Variants in DCC observed in about 807,000 individuals in gnomAD.
DCC encodes DCC netrin 1 receptor, also known as netrin receptor DCC.
Under a neutral mutation model 172.5 loss-of-function variants are expected in DCC, and 58 were observed. The observed-to-expected ratio is 0.34, with a 90% CI of 0.27 to 0.42. DCC has a LOEUF of 0.42. Ranked by LOEUF, DCC falls within the 10% of genes least tolerant of loss-of-function variation. The probability of loss-of-function intolerance (pLI) is 1.00; values close to 1 mark genes in which losing one functional copy is unlikely to be tolerated. For missense variants in DCC, 1,740 were observed against 1,791.0 expected, an observed-to-expected ratio of 0.97 and a Z score of 0.51; for synonymous variants, 709 against 644.5, an observed-to-expected ratio of 1.10 and a Z score of -1.52.
chr18:53,402,052 T>A (rs1053796204), intron 18 of DCC, among the ~76,000 whole-genome samples: 2 of 152,174 alleles, frequency 1.3e-5, no homozygotes, highest in African/African-American at 2.4e-5. Context: ...GCCTAATATG[T>A]CACCTAGCTA....
chr18:52,803,910 C>T (rs974958943), intron 2 of DCC, among the ~76,000 whole-genome samples: 34 of 152,198 alleles, frequency 2.2e-4, no homozygotes, highest in African/African-American at 7.5e-4. Context: ...TTTTAATCCT[C>T]ATTTTTACAT....
At chr18:53,082,520 C>A (rs2042821325) in intron 7 of DCC, among the ~76,000 whole-genome samples, 1 of 151,902 alleles carries the variant, frequency 6.6e-6, no homozygotes, top group South Asian at 2.1e-4. Flanking sequence ...AAAAATTGGA[C>A]CAGATTAATT....
At chr18:53,011,171 T>C (rs148125897) in intron 5 of DCC, among the ~76,000 whole-genome samples, 249 of 151,714 alleles carry the variant, frequency 1.6e-3, no homozygotes, top group African/African-American at 5.6e-3. Context: ...CGTGATAATG[T>C]TGGTTGTAAG....
chr18:53,004,424 A>G (rs1032824216), intron 5 of DCC, among the ~76,000 whole-genome samples: 2 of 152,194 alleles, frequency 1.3e-5, no homozygotes, highest in African/African-American at 4.8e-5. Context: ...CTGAATTGGT[A>G]AGGAATTATT....
At chr18:53,238,935 A>G (rs2056244764) in intron 12 of DCC, among the ~76,000 whole-genome samples, 1 of 151,672 alleles carries the variant, frequency 6.6e-6, no homozygotes. Flanking sequence ...CCAGCAAACT[A>G]TCGCAAGGAC....
chr18:53,468,598 G>C (rs1041331129), intron 25 of DCC, among the ~76,000 whole-genome samples: 1 of 151,902 alleles, frequency 6.6e-6, no homozygotes, highest in Non-Finnish European at 1.5e-5. Flanking sequence ...GGCCAGGCTG[G>C]TCTCTAGCTC....
In DCC at chr18:53,376,502, C is replaced by A. The variant is rs1216453903; in HGVS notation, c.2360-9541C>A. ...ATCATATAAATTTGGTAGTACTCAC[C>A]AACGTAGAGCCAACAATTCTAAGCA... is the stretch of plus-strand genomic sequence containing the variant. On this transcript the variant is annotated intron_variant, in intron 15 of 28. Transcript: ENST00000442544. Among the ~76,000 whole-genome samples, 7 of 152,110 alleles carry A rather than the reference C, an allele frequency of 4.6e-5. No homozygotes were observed. In the East Asian group the frequency reaches 1.3e-3, roughly 29 times the overall value.
chr18:52,890,713 A>G (rs1259505954), intron 2 of DCC, among the ~76,000 whole-genome samples: 1 of 152,128 alleles, frequency 6.6e-6, no homozygotes, highest in Non-Finnish European at 1.5e-5. Flanking sequence ...CTACAATTAC[A>G]ATAAAATATC....
intron 12 of DCC, among the ~76,000 whole-genome samples, chr18:53,267,857 T>C (rs1364234062): frequency 6.6e-6 from 1 of 152,216 alleles, no homozygotes; most frequent in East Asian, 1.9e-4. Flanking sequence ...GGTTTGTGAA[T>C]AGCAGGTTTC....
chr18:53,459,769 A>G (rs1599174000), intron 24 of DCC, among the ~76,000 whole-genome samples: 1 of 152,132 alleles, frequency 6.6e-6, no homozygotes, highest in Non-Finnish European at 1.5e-5. Flanking sequence ...CTTTTTGTTA[A>G]TTGTTAAACA....
chr18:52,852,326 C>G (rs1287203681), intron 2 of DCC, among the ~76,000 whole-genome samples: 1 of 151,894 alleles, frequency 6.6e-6, no homozygotes, highest in Non-Finnish European at 1.5e-5. Context: ...ACGAGATTCC[C>G]AAATTATAGA....
intron 27 of DCC, among the ~76,000 whole-genome samples, chr18:53,521,914 AGGAAT>A (rs2144596688): frequency 6.6e-6 from 1 of 152,264 alleles, no homozygotes; most frequent in South Asian, 2.1e-4. Context: ...TGTTAAACAT[AGGAAT>A]GGATAAGAGC....
intron 1 of DCC, among the ~76,000 whole-genome samples, chr18:52,671,795 C>G (rs2035558721): frequency 6.6e-6 from 1 of 152,026 alleles, no homozygotes; most frequent in Non-Finnish European, 1.5e-5. Flanking sequence ...CTCAGTCACC[C>G]AAATTTCCAG....
chr18:52,482,256 A>G (rs148249954), intron 1 of DCC, among the ~76,000 whole-genome samples: 21 of 152,242 alleles, frequency 1.4e-4, no homozygotes, highest in East Asian at 3.9e-4. Context: ...ACTCTTCACT[A>G]ATCTTTATTT....
rs192204016 is a variant in DCC, at chr18:53,448,263, T to C, written c.3230-2237T>C. Among the ~76,000 whole-genome samples the C allele has an allele frequency of 2.0e-5, 3 of 152,292 alleles. No homozygotes were observed. In the East Asian group the frequency reaches 5.8e-4, roughly 29 times the overall value. ...TAATTTATAAAGGAAAGAGGTTTAA[T>C]TGACTCACAGTTCAGCGTGGCTTGG... On this transcript the variant is annotated intron_variant, in intron 22 of 28. Transcript: ENST00000442544.
intron 1 of DCC, among the ~76,000 whole-genome samples, chr18:52,617,123 G>T (rs2034397326): frequency 1.3e-5 from 2 of 152,128 alleles, no homozygotes; most frequent in South Asian, 2.1e-4. Flanking sequence ...ATGTGGTAAG[G>T]CTTGGTGAAA....
At chr18:52,515,652 AC>A (rs2031613734) in intron 1 of DCC, among the ~76,000 whole-genome samples, 2 of 139,490 alleles carry the variant, frequency 1.4e-5, no homozygotes, top group Admixed American at 1.4e-4. Flanking sequence ...GTAAAAGAAT[AC>A]AAAAAAAAAT....
At chr18:52,905,217 G>T (rs1443998010) in intron 2 of DCC, among the ~76,000 whole-genome samples, 3 of 150,938 alleles carry the variant, frequency 2.0e-5, no homozygotes, top group Non-Finnish European at 3.0e-5. Context: ...TGTATGTAAT[G>T]GCCAGTTTAT....
At chr18:53,089,346 A>G (rs980045417) in intron 7 of DCC, among the ~76,000 whole-genome samples, 6 of 152,112 alleles carry the variant, frequency 3.9e-5, no homozygotes, top group Non-Finnish European at 1.5e-5. Flanking sequence ...TCGGCCTCCC[A>G]AAATGCTGGG....
Sources: gnomAD v4.1 joint callset for allele counts (sites outside exome capture counted in the v4.1 genomes callset) on GRCh38, gnomAD v4.1.1 for gene constraint, MANE v1.5 for transcripts, NCBI Gene and HGNC (gene_info 2026-07-23, HGNC 2026-07-21) for gene names.